DLGAP2: variants seen among roughly 807,000 people sequenced by gnomAD.
The protein encoded by DLGAP2 is DLG associated protein 2, also known as disks large-associated protein 2.
A neutral mutation model predicts 100.3 loss-of-function variants in DLGAP2; 26 were observed. That is an observed-to-expected ratio of 0.26 (90% CI 0.19 to 0.36). The LOEUF (loss-of-function observed/expected upper bound fraction) is 0.36, where lower values mean the gene tolerates loss of function less well. Ranked by LOEUF, DLGAP2 falls within the 10% of genes least tolerant of loss-of-function variation. The probability of loss-of-function intolerance (pLI) is 1.00; values close to 1 mark genes in which losing one functional copy is unlikely to be tolerated. For synonymous variants in DLGAP2, 886 were observed against 630.1 expected (o/e 1.41, Z -6.08); for missense variants, 1,858 against 1,453.2 (o/e 1.28, Z -4.53).
chr8:964,983 G>C (rs1280135134), intron 2 of DLGAP2, among the ~76,000 whole-genome samples: 1 of 151,472 alleles, frequency 6.6e-6, no homozygotes, highest in African/African-American at 2.4e-5. Flanking sequence ...GCGTGCACAC[G>C]GCACTGTTCA....
intron 3 of DLGAP2, among the ~76,000 whole-genome samples, chr8:1,343,701 G>T (rs553334968): frequency 7.8e-6 from 1 of 128,498 alleles, no homozygotes; most frequent in African/African-American, 2.6e-5. Context: ...GTTTGCATCT[G>T]GGGGGTCGTG....
chr8:1,242,559 C>A (rs1798820392), intron 2 of DLGAP2, among the ~76,000 whole-genome samples: 3 of 152,234 alleles, frequency 2.0e-5, no homozygotes, highest in African/African-American at 7.2e-5. Context: ...AGGAAGCTCC[C>A]CCAGTGCAGA....
At chr8:1,088,673 T>C (rs545714208) in intron 2 of DLGAP2, among the ~76,000 whole-genome samples, 3 of 151,552 alleles carry the variant, frequency 2.0e-5, no homozygotes, top group African/African-American at 7.3e-5. Flanking sequence ...CAGCAGGCTA[T>C]GCAATTCTCA....
At chr8:1,206,279 C>G (rs549260240) in intron 2 of DLGAP2, among the ~76,000 whole-genome samples, 2 of 151,890 alleles carry the variant, frequency 1.3e-5, no homozygotes, top group South Asian at 4.2e-4. Context: ...CATCCATGGG[C>G]TGGGGTAGAC....
Position 1,632,446 on chromosome 8 carries a change from G to C in DLGAP2, c.1591-381G>C, listed in dbSNP as rs895232164. Among the ~76,000 whole-genome samples the C allele has an allele frequency of 1.2e-4, 19 of 152,296 alleles. No individual in the cohort carries two copies. The East Asian group carries it at 1.5e-3, about 12-fold the overall frequency. On this transcript the variant is annotated intron_variant, in intron 7 of 14. Transcript: ENST00000637795. ...ATCGTGCCATTAGTAGCTTGGAAAG[G>C]GGGGGCCGTCATGTGGGAAAGGGAA...
At position 1,708,420 on chromosome 8, in the gene DLGAP2, C is replaced by G. The variant is rs941000765; in HGVS notation, c.*7014C>G. Reference sequence around the variant, plus strand: ...TAAGGTTACAGATTTAATATGTATGCAAAATGGTATAGATTAAATGAGTTT... The same window carrying G: ...TAAGGTTACAGATTTAATATGTATGGAAAATGGTATAGATTAAATGAGTTT... On this transcript the variant is annotated 3_prime_UTR_variant, in exon 15 of 15. Transcript: ENST00000637795. 1.3e-5 allele frequency: 2 copies of G among 152,130 alleles called. No homozygotes were observed. The highest frequency in any genetic ancestry group is 4.8e-5 in the African/African-American group (2 of 41,394). The allele number at this position is 152,130 out of a possible 1,614,324, so 9.4% of individuals were successfully genotyped here.
At chr8:808,710 C>A (rs1419575428) in intron 1 of DLGAP2, among the ~76,000 whole-genome samples, 1 of 152,168 alleles carries the variant, frequency 6.6e-6, no homozygotes, top group Non-Finnish European at 1.5e-5. Context: ...GGAGTGTGGG[C>A]CATCTCAGGG....
In DLGAP2 at chr8:1,107,417, C is replaced by T. The variant is rs12056561; in HGVS notation, c.74-151434C>T. On this transcript the variant is annotated intron_variant, in intron 2 of 14. Transcript: ENST00000637795. ...CTCACACAGAGGTCAGCGAAGGCTT[C>T]CAGAGGCGTCCAAAGGAAGCGTCTG... Among the ~76,000 whole-genome samples the T allele has an allele frequency of 4.2e-3, 643 of 152,304 alleles. 12 individuals are homozygous for T. Among genetic ancestry groups the T allele is most frequent in the East Asian group, 0.036 (185 of 5,170 alleles).
At chr8:990,356 C>T (rs552523704) in intron 2 of DLGAP2, among the ~76,000 whole-genome samples, 1 of 124,066 alleles carries the variant, frequency 8.1e-6, no homozygotes, top group East Asian at 2.4e-4. Context: ...TCTCTCCCTC[C>T]TTGCCCGGAC....
chr8:1,262,185 T>A (rs1563049147), intron 3 of DLGAP2, among the ~76,000 whole-genome samples: 1 of 152,240 alleles, frequency 6.6e-6, no homozygotes, highest in African/African-American at 2.4e-5. Context: ...GTTTACAGGA[T>A]GCTGGAGACC....
At chr8:1,425,609 G>A (rs1221763008) in intron 3 of DLGAP2, among the ~76,000 whole-genome samples, 2 of 152,186 alleles carry the variant, frequency 1.3e-5, no homozygotes, top group African/African-American at 4.8e-5. Flanking sequence ...GGACAGCCTG[G>A]GCGCATGATC....
intron 1 of DLGAP2, among the ~76,000 whole-genome samples, chr8:764,221 G>A (rs1821154562): frequency 6.6e-6 from 1 of 152,180 alleles, no homozygotes; most frequent in Admixed American, 6.5e-5. Context: ...AGAGTCACAG[G>A]CGTGGATTTA....
chr8:1,082,497 A>G (rs1423321496), intron 2 of DLGAP2, among the ~76,000 whole-genome samples: 4 of 152,182 alleles, frequency 2.6e-5, no homozygotes, highest in Admixed American at 2.0e-4. Context: ...ACTGATAGCA[A>G]ACTCATGCAC....
intron 2 of DLGAP2, among the ~76,000 whole-genome samples, chr8:998,386 G>C (rs773803224): frequency 7.2e-5 from 11 of 152,060 alleles, no homozygotes; most frequent in Non-Finnish European, 1.5e-4. Context: ...CTGCCGCCTT[G>C]AACTCCTGGG....
At chr8:981,513 C>T (rs1444633247) in intron 2 of DLGAP2, among the ~76,000 whole-genome samples, 1 of 152,102 alleles carries the variant, frequency 6.6e-6, no homozygotes, top group Non-Finnish European at 1.5e-5. Flanking sequence ...ACTGTTTGCA[C>T]AGCAGCTGCG....
chr8:1,074,343 C>A (rs1803535484), intron 2 of DLGAP2, among the ~76,000 whole-genome samples: 1 of 151,718 alleles, frequency 6.6e-6, no homozygotes, highest in South Asian at 2.1e-4. Flanking sequence ...CTGAACTCAC[C>A]CAGGTACATA....
intron 6 of DLGAP2, among the ~76,000 whole-genome samples, chr8:1,599,600 G>A (rs1306330484): frequency 6.6e-6 from 1 of 152,172 alleles, no homozygotes; most frequent in Non-Finnish European, 1.5e-5. Context: ...AGCTCTTCTT[G>A]TTGCGTTGAT....
chr8:1,262,357 G>A (rs1799369039), intron 3 of DLGAP2: 1 of 152,148 alleles, frequency 6.6e-6, no homozygotes, highest in African/African-American at 2.4e-5. Flanking sequence ...ATGTTTTCAT[G>A]AGATAAAAAT....
intron 2 of DLGAP2, among the ~76,000 whole-genome samples, chr8:1,166,446 G>C (rs2116665317): frequency 6.6e-6 from 1 of 152,302 alleles, no homozygotes; most frequent in African/African-American, 2.4e-5. Flanking sequence ...TCGTCTCCAG[G>C]AAGGAGTGGG....
Sources: allele counts gnomAD v4.1 joint callset (sites outside exome capture counted in the v4.1 genomes callset), GRCh38; gene constraint gnomAD v4.1.1; transcripts MANE v1.5; gene names NCBI Gene and HGNC (gene_info 2026-07-23, HGNC 2026-07-21).